Variants in SLC14A2 observed in about 807,000 individuals in gnomAD.
SLC14A2 encodes solute carrier family 14 member 2.
A neutral mutation model predicts 104.6 loss-of-function variants in SLC14A2; 91 were observed. That is an observed-to-expected ratio of 0.87 (90% CI 0.73 to 1.04). SLC14A2 has a LOEUF of 1.04. Among genes scored for constraint, SLC14A2 ranks in the 50% least tolerant of loss-of-function variants. The pLI, the probability that SLC14A2 is intolerant of heterozygous loss-of-function variation, is 0.00. For synonymous variants in SLC14A2, 476 were observed against 466.4 expected (o/e 1.02, Z -0.27); for missense variants, 1,189 against 1,156.0 (o/e 1.03, Z -0.41).
At chr18:45,569,038 C>T (rs146678319) in intron 2 of SLC14A2, among the ~76,000 whole-genome samples, 126 of 152,262 alleles carry the variant, frequency 8.3e-4, no homozygotes, top group South Asian at 7.7e-3. Context: ...GGAGGAAGTG[C>T]CCACCTCTCC....
chr18:45,668,391 G>C lies in SLC14A2; in HGVS notation c.1950G>C (p.Leu650=), dbSNP rs2046068437. ...AAGFHGYNGV[L]VGLLMAVFSD... ...GATTTCACGGCTACAATGGGGTGCT[G>C]GTGGGGCTGCTGATGGCCGTGTTCT... The change falls in exon 15 of 20, where the codon CTG becomes CTC. Residue 650 remains leucine (L), a synonymous_variant. Coordinates refer to ENST00000255226, the MANE Select transcript of SLC14A2 (RefSeq NM_007163.4). The C allele has an allele frequency of 6.2e-7, 1 of 1,614,114 alleles. No homozygotes were observed. The highest frequency in any genetic ancestry group is 8.5e-7 in the Non-Finnish European group (1 of 1,180,012).
rs911917525 is a variant in SLC14A2, at chr18:45,632,265, T to C, written c.522-85T>C. ...ATTATTATTAAAGGAATCATCTAAATTAAGCATATCCTCAGAGCACCAGGA... is the reference window on the plus strand; with the variant it reads ...ATTATTATTAAAGGAATCATCTAAACTAAGCATATCCTCAGAGCACCAGGA... On this transcript the variant is annotated intron_variant, in intron 4 of 19. Coordinates refer to ENST00000255226, the MANE Select transcript of SLC14A2 (RefSeq NM_007163.4). 7.3e-6 allele frequency: 11 copies of C among 1,498,820 alleles called. No homozygotes were observed. The East Asian group carries it at 2.5e-4, about 34-fold the overall frequency. 92.8% of individuals were successfully genotyped at this position (1,498,820 alleles called of 1,614,324 possible).
chr18:45,518,357 A>G (rs1254780689), intron 2 of SLC14A2, among the ~76,000 whole-genome samples: 3 of 152,116 alleles, frequency 2.0e-5, no homozygotes, highest in African/African-American at 4.8e-5. Context: ...ACATGTACCC[A>G]GTGTCAAACT....
intron 2 of SLC14A2, among the ~76,000 whole-genome samples, chr18:45,587,991 AG>A (rs145257456): frequency 6.6e-6 from 1 of 152,096 alleles, no homozygotes; most frequent in Non-Finnish European, 1.5e-5. Flanking sequence ...CATATGTTGC[AG>A]GGGGGCGCTA....
intron 5 of SLC14A2, chr18:45,634,714 G>C: frequency 2.3e-6 from 1 of 428,308 alleles, no homozygotes; most frequent in Admixed American, 2.5e-5. Flanking sequence ...TGTAGACCCA[G>C]TAAGCCTTTG....
At chr18:45,207,176 T>G in the SLC14A2 span, among the ~76,000 whole-genome samples, 1 of 152,108 alleles carries the variant, frequency 6.6e-6, no homozygotes, top group East Asian at 1.9e-4. Flanking sequence ...AAGGGCAGGG[T>G]AGAAGTAAAA....
At chr18:45,551,584 A>C (rs2044056982) in intron 2 of SLC14A2, among the ~76,000 whole-genome samples, 1 of 152,190 alleles carries the variant, frequency 6.6e-6, no homozygotes, top group African/African-American at 2.4e-5. Context: ...AGAAAGGGGA[A>C]GTGAGATGTG....
rs568783684 is a variant in SLC14A2, at chr18:45,663,800, A to G, written c.1367A>G (p.His456Arg). Reference sequence around the variant, plus strand: ...CCCTGGCTAGGAGGCGGTGGGGAGCATCCACCCACAGCAGGCCCAAAGGTG... The same window carrying G: ...CCCTGGCTAGGAGGCGGTGGGGAGCGTCCACCCACAGCAGGCCCAAAGGTG... ...EKAPSGGGGE[H>R]PPTAGPKVEE... Residue 456 changes from histidine (H) to arginine (R), a missense_variant, in exon 11 of 20, where the codon CAT (histidine) becomes CGT (arginine). Coordinates refer to ENST00000255226, the MANE Select transcript of SLC14A2 (RefSeq NM_007163.4). The G allele has an allele frequency of 9.3e-6, 15 of 1,612,578 alleles. No individual in the cohort carries two copies. In the Admixed American group the frequency reaches 2.0e-4, roughly 22 times the overall value.
At chr18:45,403,759 G>GATGAATAAATGA (rs2086121556) in intron 1 of SLC14A2, among the ~76,000 whole-genome samples, 1 of 135,096 alleles carries the variant, frequency 7.4e-6, no homozygotes, top group South Asian at 2.3e-4. Flanking sequence ...TTTAATCAGT[G>GATGAATAAATGA]ATGAATGAAT....
chr18:45,432,662 T>TTG (rs2086535596), intron 1 of SLC14A2, among the ~76,000 whole-genome samples: 1 of 152,102 alleles, frequency 6.6e-6, no homozygotes, highest in Admixed American at 6.5e-5. Context: ...TGAGTACACT[T>TTG]TGATATGTTC....
chr18:45,682,760 G>A lies in SLC14A2; in HGVS notation c.*241G>A, dbSNP rs1246001598. ...GCTTTCCCATAAGAGCTCCCTTTGTGGGGAACTTGCCCTCTTCTGCGAAAT... is the reference window on the plus strand; with the variant it reads ...GCTTTCCCATAAGAGCTCCCTTTGTAGGGAACTTGCCCTCTTCTGCGAAAT... On this transcript the variant is annotated 3_prime_UTR_variant, in exon 20 of 20. Transcript: ENST00000255226. The A allele has an allele frequency of 6.5e-6, 3 of 462,514 alleles. No individual in the cohort carries two copies. The highest frequency in any genetic ancestry group is 1.2e-5 in the Non-Finnish European group (3 of 251,048). 28.7% of individuals were successfully genotyped at this position (462,514 alleles called of 1,614,324 possible). A position where few individuals can be genotyped will look rare whatever the true frequency, so the allele number is the denominator to read the frequency against.
intron 1 of SLC14A2, among the ~76,000 whole-genome samples, chr18:45,310,351 G>C (rs768701068): frequency 6.6e-6 from 1 of 152,160 alleles, no homozygotes; most frequent in Non-Finnish European, 1.5e-5. Flanking sequence ...ACACTTAGTT[G>C]TATCATACTT....
intron 1 of SLC14A2, among the ~76,000 whole-genome samples, chr18:45,316,913 A>C (rs796141313): frequency 1.5e-4 from 23 of 152,336 alleles, no homozygotes; most frequent in Admixed American, 5.2e-4. Context: ...CCAGCTAAAG[A>C]GTGTTCACTC....
chr18:45,354,870 C>G (rs1241536466), intron 1 of SLC14A2, among the ~76,000 whole-genome samples: 1 of 152,244 alleles, frequency 6.6e-6, no homozygotes, highest in African/African-American at 2.4e-5. Flanking sequence ...GGACTTTCAG[C>G]TGTGTGGACT....
chr18:45,485,478 T>C (rs2087584656), intron 2 of SLC14A2, among the ~76,000 whole-genome samples: 1 of 152,150 alleles, frequency 6.6e-6, no homozygotes, highest in Non-Finnish European at 1.5e-5. Flanking sequence ...AGTATTAATG[T>C]TGGTGATTTC....
intron 2 of SLC14A2, among the ~76,000 whole-genome samples, chr18:45,554,767 G>T (rs1412690650): frequency 6.6e-6 from 1 of 152,098 alleles, no homozygotes; most frequent in Non-Finnish European, 1.5e-5. Flanking sequence ...GGAGAAGAGG[G>T]TGTTGACAAG....
chr18:45,270,954 G>A (rs941040703), intron 1 of SLC14A2, among the ~76,000 whole-genome samples: 1 of 152,140 alleles, frequency 6.6e-6, no homozygotes, highest in East Asian at 1.9e-4. Flanking sequence ...TTGATTTTAA[G>A]CAGATACAAA....
intron 1 of SLC14A2, among the ~76,000 whole-genome samples, chr18:45,392,581 T>G (rs1735137891): frequency 6.6e-6 from 1 of 152,232 alleles, no homozygotes; most frequent in Non-Finnish European, 1.5e-5. Flanking sequence ...AAGATTTCAC[T>G]TATCTAAAAT....
intron 1 of SLC14A2, chr18:45,440,289 A>G (rs1035760730): frequency 6.6e-6 from 1 of 151,848 alleles, no homozygotes; most frequent in Admixed American, 6.6e-5. Flanking sequence ...ACTTTTTCCA[A>G]CATATACAGA....
Sources: allele counts gnomAD v4.1 joint callset (sites outside exome capture counted in the v4.1 genomes callset), GRCh38; gene constraint gnomAD v4.1.1; transcripts MANE v1.5; gene names NCBI Gene and HGNC (gene_info 2026-07-23, HGNC 2026-07-21).